Variants in PITPNM2 observed in about 807,000 individuals in gnomAD.
The protein encoded by PITPNM2 is phosphatidylinositol transfer protein membrane associated 2, also known as membrane-associated phosphatidylinositol transfer protein 2.
A neutral mutation model predicts 132.2 loss-of-function variants in PITPNM2; 35 were observed. The observed-to-expected ratio is 0.26, with a 90% CI of 0.20 to 0.35. PITPNM2 has a LOEUF of 0.35. Ranked by LOEUF, PITPNM2 falls within the 10% of genes least tolerant of loss-of-function variation. PITPNM2 has a pLI of 1.00. For synonymous variants in PITPNM2, 738 were observed against 799.2 expected, an observed-to-expected ratio of 0.92 and a Z score of 1.29; for missense variants, 1,332 against 1,912.0, an observed-to-expected ratio of 0.70 and a Z score of 5.66.
intron 6 of PITPNM2, chr12:123,007,319 G>T: frequency 2.2e-6 from 1 of 456,008 alleles, no homozygotes; most frequent in South Asian, 1.5e-5. Context: ...TCCTTTTCCT[G>T]CCAATGGGCC....
At chr12:123,053,251 A>C (rs2040919652) in intron 2 of PITPNM2, among the ~76,000 whole-genome samples, 1 of 152,108 alleles carries the variant, frequency 6.6e-6, no homozygotes, top group Admixed American at 6.6e-5. Context: ...ATAATTTTTA[A>C]CTTGACTTGT....
At chr12:123,148,658 G>A (rs553280901) in intron 1 of PITPNM2, among the ~76,000 whole-genome samples, 1 of 152,218 alleles carries the variant, frequency 6.6e-6, no homozygotes, top group East Asian at 1.9e-4. Flanking sequence ...GACAAGAAGG[G>A]CTCTCAGTGG....
chr12:123,108,025 G>A lies in PITPNM2; in HGVS notation c.-96+2360C>T, dbSNP rs1459076524. Among the ~76,000 whole-genome samples, 1 of 152,226 alleles carries A rather than the reference G, an allele frequency of 6.6e-6. No individual in the cohort carries two copies. Among genetic ancestry groups the A allele is most frequent in the Non-Finnish European group, 1.5e-5 (1 of 68,036 alleles). On this transcript the variant is annotated intron_variant, in intron 2 of 25. Transcript: ENST00000320201. The surrounding 1 kb of genome is among the most constrained non-coding windows in gnomAD (Gnocchi z 4.4). ...AAAGGAGCTGTTTGAAATGGGCTTGGAAGGTGAAACAGGAACCTGACAGGT... is the reference window on the plus strand; with the variant it reads ...AAAGGAGCTGTTTGAAATGGGCTTGAAAGGTGAAACAGGAACCTGACAGGT...
chr12:123,083,450 G>A lies in PITPNM2; in HGVS notation c.-96+26935C>T, dbSNP rs1490010383. ...CACCCCCACTGTAGACTAACTCCTG[G>A]TCCCACCCTACGGCTTTGGAACTGA... On this transcript the variant is annotated intron_variant, in intron 2 of 25. Transcript: ENST00000320201. This position sits in a 1 kb window ranked among gnomAD's most constrained non-coding sequence, Gnocchi z 4.5. 1 of 152,258 alleles carries A rather than the reference G, an allele frequency of 6.6e-6. No homozygotes were observed. The highest frequency in any genetic ancestry group is 2.4e-5 in the African/African-American group (1 of 41,452). 9.4% of individuals were successfully genotyped at this position (152,258 alleles called of 1,614,324 possible).
Position 122,993,610 on chromosome 12 carries a change from G to A in PITPNM2, c.2234-941C>T, listed in dbSNP as rs147007946. Among the ~76,000 whole-genome samples the A allele has an allele frequency of 2.0e-5, 3 of 152,270 alleles. No homozygotes were observed. Among genetic ancestry groups the A allele is most frequent in the South Asian group, 2.1e-4 (1 of 4,826 alleles). On this transcript the variant is annotated intron_variant, in intron 15 of 25. Transcript: ENST00000320201. The surrounding 1 kb of genome is among the most constrained non-coding windows in gnomAD (Gnocchi z 5.2). ...ATTTAACCAGCCCCTCCACATAGAC[G>A]GACATTTAAGTTGGTTCTGGTTTTT...
At chr12:123,021,780 C>A in intron 3 of PITPNM2, 1 of 871,882 alleles carries the variant, frequency 1.1e-6, no homozygotes, top group Non-Finnish European at 1.4e-6. Flanking sequence ...TGGGTACAAA[C>A]CCTCCTCTTT....
At chr12:123,068,559 T>G (rs1190861857) in intron 2 of PITPNM2, among the ~76,000 whole-genome samples, 1 of 152,252 alleles carries the variant, frequency 6.6e-6, no homozygotes, top group Admixed American at 6.5e-5. Context: ...ACGCAGGGAC[T>G]GCAGGTCTTT....
intron 2 of PITPNM2, among the ~76,000 whole-genome samples, chr12:123,080,219 G>A (rs2041916152): frequency 6.6e-6 from 1 of 151,284 alleles, no homozygotes; most frequent in African/African-American, 2.5e-5. Flanking sequence ...GGCTATTGTT[G>A]TCACATTTTT....
chr12:122,993,595 C>T lies in PITPNM2; in HGVS notation c.2234-926G>A, dbSNP rs2038292501. 6.6e-6 allele frequency among the ~76,000 whole-genome samples: 1 copy of T among 152,218 alleles called. No homozygotes were observed. The highest frequency in any genetic ancestry group is 1.5e-5 in the Non-Finnish European group (1 of 68,046). On this transcript the variant is annotated intron_variant, in intron 15 of 25. Transcript: ENST00000320201. This position sits in a 1 kb window ranked among gnomAD's most constrained non-coding sequence, Gnocchi z 5.2. ...GTTGTGCCAGAATTTATTTAACCAG[C>T]CCCTCCACATAGACGGACATTTAAG...
chr12:123,100,058 C>A (rs1358705684), intron 2 of PITPNM2, among the ~76,000 whole-genome samples: 1 of 152,206 alleles, frequency 6.6e-6, no homozygotes, highest in African/African-American at 2.4e-5. Context: ...GCAGTAAGGA[C>A]TAATAAGGTC....
chr12:123,062,391 C>T (rs1299821523), intron 2 of PITPNM2, among the ~76,000 whole-genome samples: 1 of 152,168 alleles, frequency 6.6e-6, no homozygotes, highest in Non-Finnish European at 1.5e-5. Context: ...TATCTAACCC[C>T]TGGGCACTGC....
chr12:123,100,662 G>A (rs2042543227), intron 2 of PITPNM2, among the ~76,000 whole-genome samples: 1 of 152,024 alleles, frequency 6.6e-6, no homozygotes, highest in Non-Finnish European at 1.5e-5. Context: ...CTGACATATG[G>A]TACAGCACGG....
chr12:122,997,606 G>A, intron 10 of PITPNM2, 34 bp from the exon 11 acceptor site: 3 of 1,593,252 alleles, frequency 1.9e-6, no homozygotes, highest in Non-Finnish European at 2.6e-6. Flanking sequence ...CAGCTCCCCA[G>A]GGAACCCAGC....
At chr12:122,996,962 A>T (rs1486214348) in intron 11 of PITPNM2, 52 bp from the exon 12 acceptor site, 1 of 1,461,860 alleles carries the variant, frequency 6.8e-7, no homozygotes, top group African/African-American at 1.4e-5. Flanking sequence ...CTCAGCCCAA[A>T]GGGCCCCTCT....
Position 122,984,414 on chromosome 12 carries a change from C to T in PITPNM2, c.*1613G>A, listed in dbSNP as rs1372330965. On this transcript the variant is annotated 3_prime_UTR_variant, in exon 26 of 26. Transcript: ENST00000320201. The stretch of plus-strand genomic sequence containing the variant: ...GTCAGATATTGCACTTTCACTGCAA[C>T]AGTTACATGAAAACTTGGTCCATAA... 1 of 152,654 alleles carries T rather than the reference C, an allele frequency of 6.6e-6. No homozygotes were observed. The highest frequency in any genetic ancestry group is 6.5e-5 in the Admixed American group (1 of 15,292). The allele number at this position is 152,654 out of a possible 1,614,324, so 9.5% of individuals were successfully genotyped here.
At chr12:122,998,306 T>C (rs758150991) in intron 10 of PITPNM2, among the ~76,000 whole-genome samples, 1 of 152,236 alleles carries the variant, frequency 6.6e-6, no homozygotes, top group African/African-American at 2.4e-5. Flanking sequence ...CCCACCTTCC[T>C]GCCAGGCCAG....
intron 1 of PITPNM2, 45 bp from the exon 2 acceptor site, chr12:123,110,533 T>C (rs2042814663): frequency 6.6e-6 from 1 of 152,358 alleles, no homozygotes; most frequent in African/African-American, 2.4e-5. Flanking sequence ...ACACCTGGAC[T>C]CTGATCACTC....
At chr12:123,045,030 T>C (rs1403001014) in intron 2 of PITPNM2, among the ~76,000 whole-genome samples, 1 of 152,222 alleles carries the variant, frequency 6.6e-6, no homozygotes, top group African/African-American at 2.4e-5. Context: ...GCTGTTGCAA[T>C]GCATGGACGG....
In PITPNM2 at chr12:123,005,709, G is replaced by A. The variant is rs560973356; in HGVS notation, c.644-161C>T. Reference sequence around the variant, plus strand: ...TGTCTGTGCCTCAGTTTCCCCATTTGTAAAATAAGGGGACTGGCTCACAGA... The same window carrying A: ...TGTCTGTGCCTCAGTTTCCCCATTTATAAAATAAGGGGACTGGCTCACAGA... On this transcript the variant is annotated intron_variant, in intron 6 of 25. Transcript: ENST00000320201. This position sits in a 1 kb window ranked among gnomAD's most constrained non-coding sequence, Gnocchi z 6.2. 103 of 652,042 alleles carry A rather than the reference G, an allele frequency of 1.6e-4. No individual in the cohort carries two copies. In the African/African-American group the frequency reaches 1.7e-3, roughly 11 times the overall value. The allele number at this position is 652,042 out of a possible 1,614,324, so 40.4% of individuals were successfully genotyped here.
Sources: allele counts gnomAD v4.1 joint callset (sites outside exome capture counted in the v4.1 genomes callset), GRCh38; gene constraint gnomAD v4.1.1; non-coding constraint Gnocchi (gnomAD v3.1); transcripts MANE v1.5; gene names NCBI Gene and HGNC (gene_info 2026-07-23, HGNC 2026-07-21).